MACROD1: variants seen among roughly 807,000 people sequenced by gnomAD.
MACROD1 encodes the protein ADP-ribose glycohydrolase MACROD1.
Under a neutral mutation model 41.4 loss-of-function variants are expected in MACROD1, and 31 were observed. The observed-to-expected ratio is 0.75, with a 90% CI of 0.56 to 1.01. MACROD1 has a LOEUF of 1.01. Ranked by LOEUF, MACROD1 falls within the 50% of genes least tolerant of loss-of-function variation. The pLI is 0.00. For synonymous variants in MACROD1, 252 were observed against 203.4 expected (o/e 1.24, Z -2.03); for missense variants, 473 against 460.0 (o/e 1.03, Z -0.26).
chr11:64,162,624 C>T (rs1945773241), intron 1 of MACROD1, among the ~76,000 whole-genome samples: 1 of 151,092 alleles, frequency 6.6e-6, no homozygotes, highest in South Asian at 2.1e-4. Context: ...ACCATCCTGG[C>T]TAACACAGTG....
chr11:64,152,262 C>A, intron 2 of MACROD1, 30 bp downstream of exon 2: 2 of 1,602,488 alleles, frequency 1.2e-6, no homozygotes, highest in East Asian at 4.5e-5. Flanking sequence ...TGGAGCCTGC[C>A]CACCAGGGCC....
Position 63,999,732 on chromosome 11 carries a change from G to T in MACROD1, c.696C>A (p.Tyr232Ter). ...YVIHTVGPIA[Y>*]GEPSASQAAE... ...CAGCCTGACTGGCGCTGGGCTCCCC[G>T]TAGGCGATGGGCCCCACTGTGTGGA... is the stretch of plus-strand genomic sequence containing the variant. Residue 232 changes from tyrosine to a stop codon, truncating the protein, a stop_gained, in exon 6 of 11, where the codon TAC becomes TAA. Transcript: ENST00000255681. LOFTEE classifies it high-confidence loss of function. 1 of 1,607,662 alleles carries T rather than the reference G, an allele frequency of 6.2e-7. No individual in the cohort carries two copies. The highest frequency in any genetic ancestry group is 1.1e-5 in the South Asian group (1 of 90,588).
chr11:64,150,768 C>T (rs1945562885), intron 3 of MACROD1, among the ~76,000 whole-genome samples: 1 of 152,222 alleles, frequency 6.6e-6, no homozygotes, highest in Non-Finnish European at 1.5e-5. Context: ...CTGAGCAGCT[C>T]CTGTTTCTAG....
At chr11:64,154,744 G>A (rs996301799) in intron 1 of MACROD1, among the ~76,000 whole-genome samples, 28 of 151,690 alleles carry the variant, frequency 1.8e-4, no homozygotes, top group African/African-American at 6.3e-4. Context: ...TTTTTGAGAC[G>A]GAGTCTCACT....
chr11:64,123,248 G>C (rs1053359028), intron 3 of MACROD1, among the ~76,000 whole-genome samples: 7 of 152,196 alleles, frequency 4.6e-5, no homozygotes, highest in African/African-American at 1.7e-4. Context: ...ACAGGTGACG[G>C]TGGCTGCTGC....
chr11:64,068,283 A>T (rs938743974), intron 3 of MACROD1, among the ~76,000 whole-genome samples: 1 of 151,898 alleles, frequency 6.6e-6, no homozygotes. Flanking sequence ...TGGCAAGGCC[A>T]CCCCAACCCC....
chr11:64,020,863 T>C (rs1301981191), intron 3 of MACROD1, among the ~76,000 whole-genome samples: 1 of 152,124 alleles, frequency 6.6e-6, no homozygotes, highest in Non-Finnish European at 1.5e-5. Flanking sequence ...AAAGTCTAGG[T>C]GCGAGCCACC....
At chr11:64,013,138 A>AT in intron 4 of MACROD1, among the ~76,000 whole-genome samples, 1 of 152,328 alleles carries the variant, frequency 6.6e-6, no homozygotes, top group African/African-American at 2.4e-5. Flanking sequence ...CTGAGCACTT[A>AT]TTATAAGTGC....
intron 3 of MACROD1, among the ~76,000 whole-genome samples, chr11:64,113,909 T>TGGAA (rs1404835083): frequency 2.0e-5 from 3 of 147,070 alleles, no homozygotes. Flanking sequence ...GATGGATGGA[T>TGGAA]GGACAGGTGG....
At chr11:64,084,806 C>T (rs532325235) in intron 3 of MACROD1, among the ~76,000 whole-genome samples, 5 of 152,308 alleles carry the variant, frequency 3.3e-5, no homozygotes, top group Middle Eastern at 3.4e-3. Context: ...AACCAAGAAC[C>T]GTAGCCCCAA....
At chr11:64,020,452 C>G (rs1386951130) in intron 3 of MACROD1, among the ~76,000 whole-genome samples, 1 of 152,078 alleles carries the variant, frequency 6.6e-6, no homozygotes, top group Non-Finnish European at 1.5e-5. Flanking sequence ...TGAGAAATCC[C>G]TTTGCTCTTA....
At chr11:64,050,793 A>G (rs933404033) in intron 3 of MACROD1, among the ~76,000 whole-genome samples, 5 of 152,070 alleles carry the variant, frequency 3.3e-5, no homozygotes, top group Non-Finnish European at 7.4e-5. Flanking sequence ...TAATTTTTGT[A>G]TTTCTAGTTG....
chr11:64,085,678 G>A (rs979155695), intron 3 of MACROD1, among the ~76,000 whole-genome samples: 1 of 152,130 alleles, frequency 6.6e-6, no homozygotes, highest in Non-Finnish European at 1.5e-5. Context: ...GAAGTGGGAC[G>A]GTCACCCACA....
intron 3 of MACROD1, among the ~76,000 whole-genome samples, chr11:64,017,310 T>C (rs1943094978): frequency 6.6e-6 from 1 of 152,104 alleles, no homozygotes; most frequent in Admixed American, 6.5e-5. Context: ...ATTTGCTGGG[T>C]GTAGACGGGG....
intron 3 of MACROD1, among the ~76,000 whole-genome samples, chr11:64,061,596 TGGG>T (rs1456132171): frequency 1.3e-5 from 2 of 152,186 alleles, no homozygotes; most frequent in African/African-American, 4.8e-5. Flanking sequence ...TATCTGTGGA[TGGG>T]GTCCGAATCT....
intron 3 of MACROD1, among the ~76,000 whole-genome samples, chr11:64,061,066 C>T (rs981844995): frequency 1.3e-5 from 2 of 152,164 alleles, no homozygotes; most frequent in East Asian, 3.9e-4. Flanking sequence ...GGCTTGGCGT[C>T]CCCCCCACTC....
At chr11:64,076,659 G>A (rs761842688) in intron 3 of MACROD1, among the ~76,000 whole-genome samples, 3 of 152,210 alleles carry the variant, frequency 2.0e-5, no homozygotes, top group Non-Finnish European at 4.4e-5. Context: ...AGAGAGAGAC[G>A]AAATCGCCTA....
At position 64,021,802 on chromosome 11, in the gene MACROD1, G is replaced by A. The variant is rs79658116; in HGVS notation, c.518-6521C>T. ...TGTGCCAGGCGCTGGGACACGGATG[G>A]GGCAGCCCTGCTGGCACGTGCATCA... is the stretch of plus-strand genomic sequence containing the variant. On this transcript the variant is annotated intron_variant, in intron 3 of 10. Transcript: ENST00000255681. Among the ~76,000 whole-genome samples, 336 of 152,110 alleles carry A rather than the reference G, an allele frequency of 2.2e-3. 2 individuals are homozygous for A. Among genetic ancestry groups the A allele is most frequent in the African/African-American group, 8.0e-3 (330 of 41,484 alleles).
At chr11:64,165,606 GA>G in intron 1 of MACROD1, 90 bp downstream of exon 1, 1 of 1,183,112 alleles carries the variant, frequency 8.5e-7, no homozygotes, top group Non-Finnish European at 1.1e-6. Context: ...CTCTCGGGTG[GA>G]AGGGGCTGCT....
Sources: allele counts gnomAD v4.1 joint callset (sites outside exome capture counted in the v4.1 genomes callset), GRCh38; gene constraint gnomAD v4.1.1; transcripts MANE v1.5; gene names NCBI Gene and HGNC (gene_info 2026-07-23, HGNC 2026-07-21).